The following CFAP52 variants were observed in gnomAD, a reference collection of about 807,000 sequenced individuals.
CFAP52 encodes the protein cilia- and flagella-associated protein 52.
CFAP52 carries 57 observed loss-of-function variants against 70.5 expected under a neutral mutation model. The observed-to-expected ratio is 0.81, with a 90% confidence interval of 0.65 to 1.01. The LOEUF (loss-of-function observed/expected upper bound fraction) is 1.01. Ranked by LOEUF, CFAP52 falls within the 50% of genes least tolerant of loss-of-function variation. The pLI, the probability that CFAP52 is intolerant of heterozygous loss-of-function variation, is 0.00. For synonymous variants in CFAP52, 267 were observed against 292.5 expected, an observed-to-expected ratio of 0.91 and a Z score of 0.89; for missense variants, 785 against 788.5, an observed-to-expected ratio of 1.00 and a Z score of 0.05.
intron 1 of CFAP52, among the ~76,000 whole-genome samples, chr17:9,583,528 G>GA (rs1223063553): frequency 2.0e-5 from 3 of 151,860 alleles, no homozygotes; most frequent in South Asian, 2.1e-4. Flanking sequence ...AGATCTTTAT[G>GA]AAAAAAATGG....
chr17:9,604,516 C>T (rs1274008370), intron 6 of CFAP52, among the ~76,000 whole-genome samples: 1 of 152,022 alleles, frequency 6.6e-6, no homozygotes, highest in African/African-American at 2.4e-5. Flanking sequence ...GCCTGTAATC[C>T]CAGCACTTTG....
Position 9,638,613 on chromosome 17 carries a change from C to T in CFAP52, c.1477C>T (p.Leu493Phe). The T allele has an allele frequency of 6.2e-7, 1 of 1,614,084 alleles. No homozygotes were observed. Among genetic ancestry groups the T allele is most frequent in the East Asian group, 2.2e-5 (1 of 44,878 alleles). Reference sequence around the variant, plus strand: ...GCTTTTGAATCTACTTTCCAGGCGTCTCAGGAGGAATCAGATGATACTAGC... The same window carrying T: ...GCTTTTGAATCTACTTTCCAGGCGTTTCAGGAGGAATCAGATGATACTAGC... ...GTCIIWDLVR[L>F]RRNQMILANT... is the part of the protein sequence containing the mutation. Residue 493 changes from leucine (L) to phenylalanine (F), a missense_variant, in exon 12 of 14, where the codon CTC (leucine) becomes TTC (phenylalanine). Coordinates refer to ENST00000352665, the MANE Select transcript of CFAP52 (RefSeq NM_145054.5).
At chr17:9,600,757 G>A (rs1281041238) in intron 6 of CFAP52, among the ~76,000 whole-genome samples, 5 of 152,064 alleles carry the variant, frequency 3.3e-5, no homozygotes, top group South Asian at 2.1e-4. Context: ...TAATAGAGAC[G>A]GGGTTTCACT....
chr17:9,576,671 G>A lies in CFAP52; in HGVS notation c.-25G>A. 1 of 1,600,036 alleles carries A rather than the reference G, an allele frequency of 6.2e-7. No individual in the cohort carries two copies. Among genetic ancestry groups the A allele is most frequent in the Non-Finnish European group, 8.5e-7 (1 of 1,171,912 alleles). ...GACGCTGCAGCCACTAGGGAGGAGA[G>A]CAAAGTAATCAGAACCTCCCAAGGA... On this transcript the variant is annotated 5_prime_UTR_variant, in exon 1 of 14. Transcript: ENST00000352665.
chr17:9,640,574 C>G (rs2151954309), intron 12 of CFAP52, among the ~76,000 whole-genome samples: 1 of 152,240 alleles, frequency 6.6e-6, no homozygotes, highest in South Asian at 2.1e-4. Flanking sequence ...AGGACATGAT[C>G]TTGTTCCTTT....
downstream of CFAP52, among the ~76,000 whole-genome samples, chr17:9,644,353 T>C (rs2151956389): frequency 6.6e-6 from 1 of 152,206 alleles, no homozygotes; most frequent in Admixed American, 6.5e-5. Context: ...GATCCGCCCG[T>C]CTCGGCCTCC....
At position 9,643,292 on chromosome 17, in the gene CFAP52, C is replaced by A; in HGVS notation, c.*94C>A. 8.6e-7 allele frequency: 1 copy of A among 1,165,938 alleles called. No homozygotes were observed. 72.2% of individuals were successfully genotyped at this position (1,165,938 alleles called of 1,614,324 possible). On this transcript the variant is annotated 3_prime_UTR_variant, in exon 14 of 14. Coordinates refer to ENST00000352665, the MANE Select transcript of CFAP52 (RefSeq NM_145054.5). ...CAACACTAGTCTTCATTTCTCACAG[C>A]TCTGTTTTTGTTCTTGAGTCAATTT...
rs1320896082 is a variant in CFAP52 at position 9,616,271 on chromosome 17, G to A, written c.1025+3792G>A. On this transcript the variant is annotated intron_variant, in intron 8 of 13. Coordinates refer to ENST00000352665, the MANE Select transcript of CFAP52 (RefSeq NM_145054.5). ...CTGGAAAATCGGGTCACTCCCACCC[G>A]AATATTGCGCTTTTCAGACCGGCTT... Among the ~76,000 whole-genome samples the A allele has an allele frequency of 2.8e-5, 4 of 143,860 alleles. No homozygotes were observed. The East Asian group carries it at 6.1e-4, about 22-fold the overall frequency. 94.4% of individuals were successfully genotyped at this position (143,860 alleles called of 152,430 possible). A position where few individuals can be genotyped will look rare whatever the true frequency, so the allele number is the denominator to read the frequency against.
At chr17:9,592,821 A>G (rs1211248855) in intron 3 of CFAP52, among the ~76,000 whole-genome samples, 1 of 152,202 alleles carries the variant, frequency 6.6e-6, no homozygotes, top group Non-Finnish European at 1.5e-5. Flanking sequence ...CGCTATGAAC[A>G]TTCGTGTACA....
At chr17:9,626,453 C>G (rs1419089313) in intron 8 of CFAP52, among the ~76,000 whole-genome samples, 2 of 152,206 alleles carry the variant, frequency 1.3e-5, no homozygotes, top group African/African-American at 2.4e-5. Flanking sequence ...TGGTCTCAAA[C>G]TCCTGACCTC....
At chr17:9,615,998 A>G (rs1188055339) in intron 8 of CFAP52, among the ~76,000 whole-genome samples, 1 of 151,698 alleles carries the variant, frequency 6.6e-6, no homozygotes. Context: ...GGGAGGAGCC[A>G]AGATGGCCGA....
At chr17:9,603,775 T>G (rs775783114) in intron 6 of CFAP52, among the ~76,000 whole-genome samples, 1 of 152,202 alleles carries the variant, frequency 6.6e-6, no homozygotes, top group African/African-American at 2.4e-5. Context: ...CTATGGCACA[T>G]GTACACCTAT....
At chr17:9,609,769 T>C (rs2151941024) in intron 7 of CFAP52, among the ~76,000 whole-genome samples, 1 of 152,196 alleles carries the variant, frequency 6.6e-6, no homozygotes, top group East Asian at 1.9e-4. Context: ...TGGTCAAGAT[T>C]GGGCTTATTG....
At chr17:9,616,179 T>A (rs1909908230) in intron 8 of CFAP52, among the ~76,000 whole-genome samples, 1 of 151,112 alleles carries the variant, frequency 6.6e-6, no homozygotes, top group Non-Finnish European at 1.5e-5. Flanking sequence ...AGGCATTGCC[T>A]CACCTGGGAA....
chr17:9,586,345 C>T (rs563181779), intron 2 of CFAP52, among the ~76,000 whole-genome samples: 47 of 152,068 alleles, frequency 3.1e-4, no homozygotes, highest in African/African-American at 1.0e-3. Context: ...GGTCGGATCC[C>T]CTGAGGTCAG....
chr17:9,635,103 C>T (rs973335104), intron 10 of CFAP52, among the ~76,000 whole-genome samples: 2 of 152,058 alleles, frequency 1.3e-5, no homozygotes, highest in African/African-American at 2.4e-5. Context: ...CTTGGTTTTG[C>T]GTTGGCCCTT....
chr17:9,610,402 G>A (rs1233105383), intron 7 of CFAP52: 5 of 152,156 alleles, frequency 3.3e-5, no homozygotes, highest in Non-Finnish European at 5.9e-5. Flanking sequence ...TAAATCAGAT[G>A]CGGTGGTTTC....
At chr17:9,609,091 A>C (rs1159350945) in intron 7 of CFAP52, among the ~76,000 whole-genome samples, 1 of 152,152 alleles carries the variant, frequency 6.6e-6, no homozygotes, top group Admixed American at 6.6e-5. Context: ...GGCCTCTGCT[A>C]CCCCCAGGAA....
intron 6 of CFAP52, among the ~76,000 whole-genome samples, chr17:9,605,487 G>A (rs1909446244): frequency 1.3e-5 from 2 of 151,940 alleles, no homozygotes; most frequent in South Asian, 4.1e-4. Context: ...GCTGAGACGA[G>A]CAGATCATGA....
Sources: gnomAD v4.1 joint callset for allele counts (sites outside exome capture counted in the v4.1 genomes callset) on GRCh38, gnomAD v4.1.1 for gene constraint, MANE v1.5 for transcripts, NCBI Gene and HGNC (gene_info 2026-07-23, HGNC 2026-07-21) for gene names.